Variants in CD53 observed in about 807,000 individuals in gnomAD.
CD53 encodes the protein leukocyte surface antigen CD53.
In CD53, 20 loss-of-function variants were observed where a neutral mutation model predicts 27.3. The ratio of observed to expected loss-of-function variants is 0.73; its 90% confidence interval spans 0.52 to 1.07. The LOEUF is 1.07. Ranked by LOEUF, CD53 falls within the 50% of genes least tolerant of loss-of-function variation. The probability of loss-of-function intolerance (pLI) is 0.00; values close to 1 mark genes in which losing one functional copy is unlikely to be tolerated. For missense variants in CD53, 216 were observed against 264.0 expected, an observed-to-expected ratio of 0.82 and a Z score of 1.26; for synonymous variants, 106 against 105.3, an observed-to-expected ratio of 1.01 and a Z score of -0.04.
At chr1:110,889,886 T>C (rs1326277964) in intron 1 of CD53, among the ~76,000 whole-genome samples, 1 of 152,200 alleles carries the variant, frequency 6.6e-6, no homozygotes, top group Non-Finnish European at 1.5e-5. Context: ...TTTATTTTAT[T>C]AAAGTAATCA....
chr1:110,885,673 G>A (rs1455797522), intron 1 of CD53, among the ~76,000 whole-genome samples: 1 of 151,946 alleles, frequency 6.6e-6, no homozygotes, highest in African/African-American at 2.4e-5. Flanking sequence ...GACCAGCCTG[G>A]CCAACATGGC....
chr1:110,884,774 T>C (rs544420991), intron 1 of CD53, among the ~76,000 whole-genome samples: 6 of 152,242 alleles, frequency 3.9e-5, no homozygotes, highest in African/African-American at 1.4e-4. Flanking sequence ...TTTTTTCCCT[T>C]TTATTAGTGT....
At chr1:110,899,004 G>T (rs1657188573) in intron 7 of CD53, 120 bp from the exon 8 acceptor site, 4 of 684,522 alleles carry the variant, frequency 5.8e-6, no homozygotes, top group Non-Finnish European at 1.0e-5. Flanking sequence ...TGAAAGTAAT[G>T]GTTGGAAGGG....
chr1:110,881,099 G>A (rs1203402070), intron 1 of CD53, among the ~76,000 whole-genome samples: 1 of 152,136 alleles, frequency 6.6e-6, no homozygotes, highest in Non-Finnish European at 1.5e-5. Flanking sequence ...TGATGGACAG[G>A]AGCAAATTAG....
At chr1:110,877,565 G>A (rs560968536) in intron 1 of CD53, among the ~76,000 whole-genome samples, 5 of 152,218 alleles carry the variant, frequency 3.3e-5, no homozygotes, top group African/African-American at 1.2e-4. Context: ...CTCCCACATG[G>A]GAGGAAGTGA....
Position 110,886,846 on chromosome 1 carries a change from AATATAT to A in CD53, c.-17-4527_-17-4522del, listed in dbSNP as rs1553203678. 1.2e-4 allele frequency among the ~76,000 whole-genome samples: 12 copies of A among 101,002 alleles called. No homozygotes were observed. The South Asian group carries it at 2.9e-3, about 24-fold the overall frequency. The allele number at this position is 101,002 out of a possible 152,430, so 66.3% of individuals were successfully genotyped here. On this transcript the variant is annotated intron_variant, in intron 1 of 7. Coordinates refer to ENST00000271324, the MANE Select transcript of CD53 (RefSeq NM_000560.4). ...GGCAACAGAGCGAGACTCTGTCTCCAATATATATATATATATATATATATTTTTTTT... is the reference window on the plus strand; with the variant it reads ...GGCAACAGAGCGAGACTCTGTCTCCAATATATATATATATATATTTTTTTT...
At chr1:110,886,598 C>A (rs893806612) in intron 1 of CD53, among the ~76,000 whole-genome samples, 3 of 151,976 alleles carry the variant, frequency 2.0e-5, no homozygotes, top group African/African-American at 7.2e-5. Flanking sequence ...CCTGTAATCC[C>A]AGCACTTTGG....
intron 1 of CD53, among the ~76,000 whole-genome samples, chr1:110,885,110 A>C (rs137873913): frequency 5.3e-5 from 8 of 151,982 alleles, no homozygotes; most frequent in Non-Finnish European, 1.0e-4. Flanking sequence ...TGAGATTTCC[A>C]CTTTACATAT....
rs183508502 is a variant in CD53, at chr1:110,889,278, C to T, written c.-17-2114C>T. Among the ~76,000 whole-genome samples, 123 of 151,998 alleles carry T rather than the reference C, an allele frequency of 8.1e-4. 1 individual carries two copies. The highest frequency in any genetic ancestry group is 6.8e-3 in the Middle Eastern group (2 of 294). Reference sequence around the variant, plus strand: ...AGTTCTTTAAGACTCAATAATTGGCCGGGTGTGGTGGCTCAAGCCTGTAAT... The same window carrying T: ...AGTTCTTTAAGACTCAATAATTGGCTGGGTGTGGTGGCTCAAGCCTGTAAT... On this transcript the variant is annotated intron_variant, in intron 1 of 7. Transcript: ENST00000271324.
chr1:110,894,613 C>T (rs1462884290), intron 4 of CD53, among the ~76,000 whole-genome samples: 3 of 152,146 alleles, frequency 2.0e-5, no homozygotes, highest in African/African-American at 7.2e-5. Context: ...CTGGAAAGAG[C>T]AGTAAAACAA....
Position 110,899,404 on chromosome 1 carries a change from G to A in CD53, c.*209G>A. ...GACAATCTTTCACTCACTGACGGCAGCAGCCATGTCTCTCAAAGTGGTGAA... is the reference window on the plus strand; with the variant it reads ...GACAATCTTTCACTCACTGACGGCAACAGCCATGTCTCTCAAAGTGGTGAA... On this transcript the variant is annotated 3_prime_UTR_variant, in exon 8 of 8. Coordinates refer to ENST00000271324, the MANE Select transcript of CD53 (RefSeq NM_000560.4). 2.0e-6 allele frequency: 1 copy of A among 492,904 alleles called. No individual in the cohort carries two copies. Among genetic ancestry groups the A allele is most frequent in the Non-Finnish European group, 3.7e-6 (1 of 273,022 alleles). 30.5% of individuals were successfully genotyped at this position (492,904 alleles called of 1,614,324 possible). A position where few individuals can be genotyped will look rare whatever the true frequency, so the allele number is the denominator to read the frequency against.
chr1:110,897,975 AT>A (rs1428028033), intron 7 of CD53, 83 bp downstream of exon 7: 6 of 677,856 alleles, frequency 8.9e-6, no homozygotes, highest in Admixed American at 2.5e-5. Flanking sequence ...GGTACACAGT[AT>A]TTACACAATA....
intron 1 of CD53, among the ~76,000 whole-genome samples, chr1:110,875,075 G>A (rs1490507571): frequency 1.3e-5 from 2 of 152,224 alleles, no homozygotes; most frequent in East Asian, 3.8e-4. Context: ...TTAGGAGTGT[G>A]CCAAAAACTG....
rs550850517 is a variant in CD53 at position 110,877,494 on chromosome 1, C to T, written c.-18+4246C>T. On this transcript the variant is annotated intron_variant, in intron 1 of 7. Transcript: ENST00000271324. ...GTTTTAGGTAACTGTTCCTGATTTACGAAGTAAGCTTATTAGAAGAGTCCC... is the reference window on the plus strand; with the variant it reads ...GTTTTAGGTAACTGTTCCTGATTTATGAAGTAAGCTTATTAGAAGAGTCCC... Among the ~76,000 whole-genome samples, 47 of 152,268 alleles carry T rather than the reference C, an allele frequency of 3.1e-4. No individual in the cohort carries two copies. In the South Asian group the frequency reaches 4.6e-3, roughly 15 times the overall value.
In CD53 at chr1:110,894,990, G is replaced by A. The variant is rs553248419; in HGVS notation, c.358G>A (p.Asp120Asn). 1.2e-5 allele frequency: 19 copies of A among 1,613,966 alleles called. No homozygotes were observed. Among genetic ancestry groups the A allele is most frequent in the Admixed American group, 5.0e-5 (3 of 60,032 alleles). The change falls in exon 5 of 8, where the codon GAC becomes AAC. Residue 120 changes from aspartate (D) to asparagine (N), a missense_variant. Coordinates refer to ENST00000271324, the MANE Select transcript of CD53 (RefSeq NM_000560.4). ...TGAGTATGTGGCTAAGGGTCTGACCGACAGCATCCACCGTTACCACTCAGA... is the reference window on the plus strand; with the variant it reads ...TGAGTATGTGGCTAAGGGTCTGACCAACAGCATCCACCGTTACCACTCAGA... Reference protein sequence around the residue: ...LNEYVAKGLTDSIHRYHSDNS... With the variant: ...LNEYVAKGLTNSIHRYHSDNS...
At position 110,892,619 on chromosome 1, in the gene CD53, T is replaced by C. The variant is rs2101061032; in HGVS notation, c.252+86T>C. The C allele has an allele frequency of 3.7e-6, 4 of 1,086,894 alleles. No individual in the cohort carries two copies. The South Asian group carries it at 4.4e-5, about 12-fold the overall frequency. The allele number at this position is 1,086,894 out of a possible 1,614,324, so 67.3% of individuals were successfully genotyped here. On this transcript the variant is annotated intron_variant, in intron 3 of 7. Transcript: ENST00000271324. ...AAGATGTTTCTTGGTAGATCACTTA[T>C]AGGCACAGAAAGATCATAGGAAAAT...
At chr1:110,875,558 G>C (rs188290812) in intron 1 of CD53, among the ~76,000 whole-genome samples, 2 of 152,148 alleles carry the variant, frequency 1.3e-5, no homozygotes, top group African/African-American at 4.8e-5. Flanking sequence ...TTTGTTCTGC[G>C]TCCCTAGATT....
intron 1 of CD53, among the ~76,000 whole-genome samples, chr1:110,882,130 A>G (rs1204342974): frequency 5.3e-5 from 8 of 152,130 alleles, no homozygotes; most frequent in Admixed American, 5.2e-4. Context: ...AAGAAGTCCA[A>G]TTTATCAACT....
intron 1 of CD53, among the ~76,000 whole-genome samples, chr1:110,891,161 C>A (rs1656837325): frequency 6.6e-6 from 1 of 152,224 alleles, no homozygotes; most frequent in Non-Finnish European, 1.5e-5. Context: ...ATACTTAATT[C>A]AATGTTAAGC....
Sources: allele counts gnomAD v4.1 joint callset (sites outside exome capture counted in the v4.1 genomes callset), GRCh38; gene constraint gnomAD v4.1.1; transcripts MANE v1.5; gene names NCBI Gene and HGNC (gene_info 2026-07-23, HGNC 2026-07-21).